The following CACHD1 variants were observed in gnomAD, a reference collection of about 807,000 sequenced individuals.
The protein encoded by CACHD1 is cache domain containing 1, also known as VWFA and cache domain-containing protein 1.
A neutral mutation model predicts 138.7 loss-of-function variants in CACHD1; 71 were observed. The observed-to-expected ratio is 0.51, with a 90% CI of 0.42 to 0.62. The LOEUF is 0.62. Among genes scored for constraint, CACHD1 ranks in the 20% least tolerant of loss-of-function variants. The pLI, the probability that CACHD1 is intolerant of heterozygous loss-of-function variation, is 0.00. For missense variants in CACHD1, 1,389 were observed against 1,625.3 expected (o/e 0.85, Z 2.50); for synonymous variants, 578 against 591.5 (o/e 0.98, Z 0.33).
chr1:64,661,448 G>A lies in CACHD1; in HGVS notation c.1952-2247G>A, dbSNP rs922845368. Among the ~76,000 whole-genome samples, 23 of 152,132 alleles carry A rather than the reference G, an allele frequency of 1.5e-4. No homozygotes were observed. The South Asian group carries it at 4.2e-3, about 27-fold the overall frequency. On this transcript the variant is annotated intron_variant, in intron 13 of 26. Transcript: ENST00000651257. ...TTACTGCACTAGCCTTTTCTAAAAC[G>A]CCAGTCTCTGTCACTACAAAAGAGA...
chr1:64,675,658 G>A (rs1649961440), intron 20 of CACHD1, 97 bp downstream of exon 20: 20 of 1,412,722 alleles, frequency 1.4e-5, no homozygotes. Flanking sequence ...AGAAAGTGCT[G>A]GTGTGTGTCC....
intron 17 of CACHD1, among the ~76,000 whole-genome samples, chr1:64,672,699 T>G (rs1350316502): frequency 2.6e-5 from 4 of 152,340 alleles, no homozygotes; most frequent in Non-Finnish European, 4.4e-5. Flanking sequence ...TATATTTTTA[T>G]ACATCCCCTG....
chr1:64,487,372 G>C (rs1255232013), intron 1 of CACHD1, among the ~76,000 whole-genome samples: 3 of 152,150 alleles, frequency 2.0e-5, no homozygotes, highest in Non-Finnish European at 4.4e-5. Context: ...GGCTCACTCT[G>C]ATTGGACCTT....
intron 1 of CACHD1, among the ~76,000 whole-genome samples, chr1:64,514,351 A>G (rs1646443531): frequency 6.6e-6 from 1 of 152,234 alleles, no homozygotes; most frequent in African/African-American, 2.4e-5. Context: ...AAAGAGGCCA[A>G]AAATAACAAG....
intron 4 of CACHD1, among the ~76,000 whole-genome samples, chr1:64,612,613 CT>C (rs1647575357): frequency 6.6e-6 from 1 of 152,106 alleles, no homozygotes; most frequent in Non-Finnish European, 1.5e-5. Context: ...TTCTCTCCCT[CT>C]TTTCAAAAAA....
At chr1:64,472,532 GC>G (rs1333208440) in intron 1 of CACHD1, among the ~76,000 whole-genome samples, 4 of 152,188 alleles carry the variant, frequency 2.6e-5, no homozygotes, top group Admixed American at 2.0e-4. Flanking sequence ...TAATAGATAA[GC>G]TTTTAAGATG....
At chr1:64,481,785 A>G (rs1646212843) in intron 1 of CACHD1, among the ~76,000 whole-genome samples, 1 of 152,212 alleles carries the variant, frequency 6.6e-6, no homozygotes, top group Non-Finnish European at 1.5e-5. Flanking sequence ...TTTTAAATAA[A>G]ATCTTAATTC....
Position 64,470,772 on chromosome 1 carries a change from ACGGCCGTGGCCCGGGCGCGG to A in CACHD1, c.35_54del (p.Val12AlafsTer58). 1.2e-6 allele frequency: 1 copy of A among 867,098 alleles called. No homozygotes were observed. The highest frequency in any genetic ancestry group is 1.8e-6 in the Non-Finnish European group (1 of 569,848). 53.7% of individuals were successfully genotyped at this position (867,098 alleles called of 1,614,324 possible). A position where few individuals can be genotyped will look rare whatever the true frequency, so the allele number is the denominator to read the frequency against. On this transcript the variant is annotated frameshift_variant, in exon 1 of 27. Coordinates refer to ENST00000651257, the MANE Select transcript of CACHD1 (RefSeq NM_020925.4). LOFTEE classifies it high-confidence loss of function. This position sits in a 1 kb window ranked among gnomAD's most constrained non-coding sequence, Gnocchi z 5.2. ...GGCCCGCCAGCCGGAGGAAGAGGAG[ACGGCCGTGGCCCGGGCGCGG>A]CGGCCGCCCCTCTGGCTGCTCTGCC...
intron 1 of CACHD1, among the ~76,000 whole-genome samples, chr1:64,479,803 A>G (rs1205638450): frequency 1.3e-5 from 2 of 152,142 alleles, no homozygotes; most frequent in Non-Finnish European, 2.9e-5. Flanking sequence ...CTATTTCAAT[A>G]TGGCTGGCAG....
chr1:64,652,136 G>A (rs1649115261), intron 9 of CACHD1, 25 bp from the exon 10 acceptor site: 2 of 1,585,086 alleles, frequency 1.3e-6, no homozygotes, highest in Non-Finnish European at 1.7e-6. Flanking sequence ...CTGGTCTTTA[G>A]ATTTATTTTG....
At position 64,550,530 on chromosome 1, in the gene CACHD1, A is replaced by G. The variant is rs1402792800; in HGVS notation, c.199-64A>G. On this transcript the variant is annotated intron_variant, in intron 1 of 26. Coordinates refer to ENST00000651257, the MANE Select transcript of CACHD1 (RefSeq NM_020925.4). ...TATTTGTTGTAAACAAATTATTCAC[A>G]TACACACTCATGTAGAAAATGACTT... The G allele has an allele frequency of 6.1e-6, 7 of 1,147,702 alleles. No individual in the cohort carries two copies. The African/African-American group carries it at 7.6e-5, about 12-fold the overall frequency. The allele number at this position is 1,147,702 out of a possible 1,614,324, so 71.1% of individuals were successfully genotyped here.
intron 2 of CACHD1, among the ~76,000 whole-genome samples, chr1:64,562,539 A>G (rs866511793): frequency 3.7e-4 from 55 of 148,900 alleles, no homozygotes; most frequent in Middle Eastern, 3.6e-3. Flanking sequence ...CCTCCCAAGT[A>G]GCTGGGATTA....
intron 3 of CACHD1, among the ~76,000 whole-genome samples, chr1:64,585,384 G>T (rs1647043742): frequency 6.6e-6 from 1 of 152,182 alleles, no homozygotes; most frequent in Admixed American, 6.5e-5. Flanking sequence ...ATACAATCAA[G>T]CATAAAATGT....
chr1:64,505,904 C>G (rs1646371873), intron 1 of CACHD1: 1 of 77,692 alleles, frequency 1.3e-5, no homozygotes, highest in Non-Finnish European at 3.3e-5. Flanking sequence ...CCCGGCCGCC[C>G]GCTTGTCTCT....
At chr1:64,668,695 C>T (rs1649719874) in intron 16 of CACHD1, among the ~76,000 whole-genome samples, 1 of 152,144 alleles carries the variant, frequency 6.6e-6, no homozygotes, top group Admixed American at 6.5e-5. Context: ...GTGCTCTTGC[C>T]CTGTGCAATA....
At chr1:64,619,428 T>C (rs1470009668) in intron 4 of CACHD1, among the ~76,000 whole-genome samples, 1 of 152,168 alleles carries the variant, frequency 6.6e-6, no homozygotes. Flanking sequence ...AAGTAGTCAG[T>C]TTGTTGAAGT....
intron 2 of CACHD1, among the ~76,000 whole-genome samples, chr1:64,551,338 C>T (rs1646757465): frequency 6.6e-6 from 1 of 151,722 alleles, no homozygotes; most frequent in African/African-American, 2.4e-5. Flanking sequence ...TGAACTGCCT[C>T]CTAAAATATA....
intron 3 of CACHD1, among the ~76,000 whole-genome samples, chr1:64,594,121 G>A (rs545405020): frequency 6.6e-6 from 1 of 152,100 alleles, no homozygotes; most frequent in Non-Finnish European, 1.5e-5. Context: ...GCGCATGATG[G>A]TGGGCGCCTG....
At chr1:64,519,313 TGGA>T (rs1646480932) in intron 1 of CACHD1, among the ~76,000 whole-genome samples, 2 of 152,120 alleles carry the variant, frequency 1.3e-5, no homozygotes, top group African/African-American at 2.4e-5. Flanking sequence ...GTTGAGGTAG[TGGA>T]GCCTTTCGAT....
Sources: gnomAD v4.1 joint callset for allele counts (sites outside exome capture counted in the v4.1 genomes callset) on GRCh38, gnomAD v4.1.1 for gene constraint, Gnocchi (gnomAD v3.1) non-coding constraint, MANE v1.5 for transcripts, NCBI Gene and HGNC (gene_info 2026-07-23, HGNC 2026-07-21) for gene names.